PPP3CB: variants seen among roughly 807,000 people sequenced by gnomAD.
PPP3CB encodes serine/threonine-protein phosphatase 2B catalytic subunit beta isoform.
PPP3CB carries 8 observed loss-of-function variants against 66.4 expected under a neutral mutation model. The observed-to-expected ratio is 0.12, with a 90% CI of 0.07 to 0.22. The LOEUF is 0.22. Among genes scored for constraint, PPP3CB ranks in the 10% least tolerant of loss-of-function variants. The pLI, the probability that PPP3CB is intolerant of heterozygous loss-of-function variation, is 1.00. For missense variants in PPP3CB, 319 were observed against 642.5 expected, an observed-to-expected ratio of 0.50 and a Z score of 5.44; for synonymous variants, 208 against 221.2, an observed-to-expected ratio of 0.94 and a Z score of 0.53.
intron 3 of PPP3CB, among the ~76,000 whole-genome samples, chr10:73,477,885 C>A (rs372846725): frequency 6.6e-6 from 1 of 151,644 alleles, no homozygotes; most frequent in South Asian, 2.1e-4. Context: ...CCACTGTACT[C>A]CAGCATGGGC....
rs146955258 is a variant in PPP3CB, at chr10:73,483,676, A to C, written c.86-4159T>G. Among the ~76,000 whole-genome samples, 10 of 152,212 alleles carry C rather than the reference A, an allele frequency of 6.6e-5. 1 individual carries two copies. The East Asian group carries it at 1.7e-3, about 26-fold the overall frequency. On this transcript the variant is annotated intron_variant, in intron 1 of 13. Transcript: ENST00000360663. ...CGTCTAAAGATAAAAAATAAAAATA[A>C]AATAAATTTTAATTTATCAGCAAAT...
chr10:73,469,046 T>A (rs886188855), intron 8 of PPP3CB, among the ~76,000 whole-genome samples: 6 of 152,256 alleles, frequency 3.9e-5, no homozygotes, highest in African/African-American at 1.4e-4. Flanking sequence ...GATAAGACAG[T>A]CAATGGTTTG....
intron 10 of PPP3CB, among the ~76,000 whole-genome samples, chr10:73,452,268 A>G (rs948456065): frequency 2.0e-5 from 3 of 152,198 alleles, no homozygotes; most frequent in Non-Finnish European, 4.4e-5. Context: ...TTCTTTGAAC[A>G]TGAGAGAAAC....
chr10:73,480,107 C>A (rs1378919250), intron 1 of PPP3CB, among the ~76,000 whole-genome samples: 1 of 152,172 alleles, frequency 6.6e-6, no homozygotes, highest in Non-Finnish European at 1.5e-5. Flanking sequence ...ACAATGTTTT[C>A]TGACCAACTT....
intron 13 of PPP3CB, among the ~76,000 whole-genome samples, chr10:73,438,998 T>A (rs1424803957): frequency 6.6e-6 from 1 of 152,212 alleles, no homozygotes; most frequent in East Asian, 1.9e-4. Flanking sequence ...AAGAGTTAGA[T>A]CTGTGTATGG....
chr10:73,441,765 CCAAT>C (rs941495892), intron 12 of PPP3CB, among the ~76,000 whole-genome samples: 2 of 151,998 alleles, frequency 1.3e-5, no homozygotes, highest in Admixed American at 1.3e-4. Flanking sequence ...GTGCTAGCTC[CCAAT>C]CAAATTTCCC....
At position 73,495,937 on chromosome 10, in the gene PPP3CB, C is replaced by T. The variant is rs1342209963; in HGVS notation, c.-48G>A. The stretch of plus-strand genomic sequence containing the variant: ...GCTCTGGGCCGGGCGGGGTTGGGGG[C>T]GGGGGCGGCGGCTACCAGAGCCAAG... On this transcript the variant is annotated 5_prime_UTR_variant, in exon 1 of 14. Transcript: ENST00000360663. The T allele has an allele frequency of 1.4e-4, 24 of 173,136 alleles. No homozygotes were observed. Among genetic ancestry groups the T allele is most frequent in the African/African-American group, 8.2e-4 (22 of 26,856 alleles). 10.7% of individuals were successfully genotyped at this position (173,136 alleles called of 1,614,324 possible). A position where few individuals can be genotyped will look rare whatever the true frequency, so the allele number is the denominator to read the frequency against.
At chr10:73,488,243 G>C (rs982900971) in intron 1 of PPP3CB, among the ~76,000 whole-genome samples, 3 of 152,052 alleles carry the variant, frequency 2.0e-5, no homozygotes, top group Non-Finnish European at 4.4e-5. Context: ...GACAAAAGGA[G>C]ACATCAAAAG....
intron 1 of PPP3CB, among the ~76,000 whole-genome samples, chr10:73,485,612 T>G (rs1483896439): frequency 1.3e-5 from 2 of 152,208 alleles, no homozygotes. Context: ...CTTCTAAATT[T>G]TTCTCTGTAT....
intron 11 of PPP3CB, among the ~76,000 whole-genome samples, chr10:73,445,749 CTT>C (rs1208013891): frequency 1.5e-5 from 2 of 129,602 alleles, no homozygotes; most frequent in Non-Finnish European, 3.3e-5. Flanking sequence ...CCTAAGTACC[CTT>C]TTTTTTTTTT....
At position 73,438,388 on chromosome 10, in the gene PPP3CB, A is replaced by C; in HGVS notation, c.1429T>G (p.Cys477Gly). ...AAACCCTTTGCCTCTTCAAAACTGC[A>C]GATTCTATGTGGTGGAGAGAATCCT... ...IRGFSPPHRI[C>G]SFEEAKGLDR... is the part of the protein sequence containing the mutation. The change falls in exon 14 of 14, where the codon TGC becomes GGC. Residue 477 changes from cysteine (C) to glycine (G), a missense_variant. Physicochemically the swap from Cys to Gly is radical, Grantham distance 159 (BLOSUM62 -3). Transcript: ENST00000360663. 1 of 1,613,346 alleles carries C rather than the reference A, an allele frequency of 6.2e-7. No homozygotes were observed. The highest frequency in any genetic ancestry group is 8.5e-7 in the Non-Finnish European group (1 of 1,179,222).
intron 1 of PPP3CB, among the ~76,000 whole-genome samples, chr10:73,484,209 T>C (rs372422489): frequency 1.3e-5 from 2 of 152,308 alleles, no homozygotes; most frequent in South Asian, 2.1e-4. Flanking sequence ...CATTTCCATA[T>C]AGTTTTCAGG....
intron 3 of PPP3CB, chr10:73,477,103 CCTCT>C (rs1441814556): frequency 3.9e-6 from 2 of 507,178 alleles, no homozygotes; most frequent in Non-Finnish European, 7.8e-6. Context: ...AGTTACTTAA[CCTCT>C]CTAAGCCTCA....
intron 1 of PPP3CB, among the ~76,000 whole-genome samples, chr10:73,491,035 T>G (rs1403723133): frequency 2.5e-5 from 3 of 120,244 alleles, no homozygotes; most frequent in East Asian, 2.2e-4. Context: ...TTTTTTTTTT[T>G]TTTTTTTTTT....
At chr10:73,444,665 C>G in intron 12 of PPP3CB, 60 bp downstream of exon 12, 1 of 1,608,344 alleles carries the variant, frequency 6.2e-7, no homozygotes, top group Non-Finnish European at 8.5e-7. Flanking sequence ...GAATTGTTAG[C>G]AAAAGAGTGA....
intron 9 of PPP3CB, among the ~76,000 whole-genome samples, chr10:73,455,352 C>T (rs1035011458): frequency 1.3e-5 from 2 of 152,180 alleles, no homozygotes; most frequent in African/African-American, 4.8e-5. Context: ...TTCTGCTCTT[C>T]TGGTTTTCCC....
chr10:73,462,103 G>T (rs1312928012), intron 9 of PPP3CB, among the ~76,000 whole-genome samples: 2 of 141,900 alleles, frequency 1.4e-5, no homozygotes, highest in Non-Finnish European at 3.0e-5. Flanking sequence ...TGCTATGCTT[G>T]TACAGCCTGC....
At chr10:73,495,737 T>C (rs2057198245) in intron 1 of PPP3CB, 68 bp downstream of exon 1, 5 of 1,516,354 alleles carry the variant, frequency 3.3e-6, no homozygotes, top group Non-Finnish European at 4.4e-6. Flanking sequence ...GAGGGGACGG[T>C]CTCCCGCCCG....
intron 9 of PPP3CB, among the ~76,000 whole-genome samples, chr10:73,462,341 T>C (rs2056536634): frequency 6.6e-6 from 1 of 151,570 alleles, no homozygotes. Context: ...CTTTATACAA[T>C]TTTTTAAAAA....
Sources: allele counts gnomAD v4.1 joint callset (sites outside exome capture counted in the v4.1 genomes callset), GRCh38; gene constraint gnomAD v4.1.1; transcripts MANE v1.5; gene names NCBI Gene and HGNC (gene_info 2026-07-23, HGNC 2026-07-21).